Variants in BMP8B observed in about 807,000 individuals in gnomAD.
BMP8B encodes bone morphogenetic protein 8 (osteogenic protein 2).
BMP8B carries 17 observed loss-of-function variants against 30.3 expected under a neutral mutation model. The observed-to-expected ratio is 0.56, with a 90% CI of 0.38 to 0.84. The LOEUF is 0.84. BMP8B is among the 40% of genes least tolerant of loss of function. The probability of loss-of-function intolerance (pLI) is 0.00; values close to 1 mark genes in which losing one functional copy is unlikely to be tolerated. For missense variants in BMP8B, 253 were observed against 494.6 expected (o/e 0.51, Z 4.63); for synonymous variants, 131 against 214.7 (o/e 0.61, Z 3.41).
intron 6 of BMP8B, chr1:39,762,528 T>C (rs781484156): frequency 1.0e-5 from 16 of 1,550,032 alleles, no homozygotes; most frequent in South Asian, 5.9e-5. Context: ...TTGCCCCAGA[T>C]ACCAAGGCAT....
intron 1 of BMP8B, among the ~76,000 whole-genome samples, chr1:39,778,220 G>A (rs544194276): frequency 2.0e-5 from 3 of 152,274 alleles, no homozygotes; most frequent in Non-Finnish European, 4.4e-5. Context: ...CTGCCAGTCT[G>A]GGTGTGGCTA....
rs1569788692 is a variant in BMP8B, at chr1:39,763,549, A to C, written c.948+163T>G. 27 of 1,123,766 alleles carry C rather than the reference A, an allele frequency of 2.4e-5. 4 individuals carry two copies. The highest frequency in any genetic ancestry group is 1.2e-4 in the Admixed American group (4 of 32,082). The allele number at this position is 1,123,766 out of a possible 1,614,324, so 69.6% of individuals were successfully genotyped here. On this transcript the variant is annotated intron_variant, in intron 5 of 6. Coordinates refer to ENST00000372827, the MANE Select transcript of BMP8B (RefSeq NM_001720.5). Reference sequence around the variant, plus strand: ...AAACAAAAAACTGAACAAAAAAAAAACCCTTTCTCACCATATTCTCACTTT... The same window carrying C: ...AAACAAAAAACTGAACAAAAAAAAACCCCTTTCTCACCATATTCTCACTTT...
chr1:39,762,744 TCA>T (rs988288148), intron 6 of BMP8B: 4 of 1,392,166 alleles, frequency 2.9e-6, no homozygotes, highest in Non-Finnish European at 3.8e-6. Context: ...TGTGCTAAGA[TCA>T]CACAGCCCCC....
At chr1:39,777,303 C>T (rs1291519672) in intron 1 of BMP8B, among the ~76,000 whole-genome samples, 1 of 152,250 alleles carries the variant, frequency 6.6e-6, no homozygotes, top group African/African-American at 2.4e-5. Context: ...TGGTCTCACG[C>T]TGAACCAGCT....
In BMP8B at chr1:39,760,867, G is replaced by T. The variant is rs556881212; in HGVS notation, c.1060-299C>A. Among the ~76,000 whole-genome samples, 14 of 152,266 alleles carry T rather than the reference G, an allele frequency of 9.2e-5. No individual in the cohort carries two copies. The South Asian group carries it at 2.7e-3, about 29-fold the overall frequency. The stretch of plus-strand genomic sequence containing the variant: ...CCAAGGGCTCAGACTTCCTCCTGGG[G>T]ATAATGGGAAGGAGAACTGTGTGGC... On this transcript the variant is annotated intron_variant, in intron 6 of 6. Transcript: ENST00000372827.
rs545706052 is a variant in BMP8B at position 39,762,415 on chromosome 1, G to C, written c.1059+677C>G. The stretch of plus-strand genomic sequence containing the variant: ...CAGGAACTGGGATTCTAGGTAAAAA[G>C]TTCTAGAAGGAAGCCTCGGTGCCAG... On this transcript the variant is annotated intron_variant, in intron 6 of 6. Transcript: ENST00000372827. 1.2e-5 allele frequency: 17 copies of C among 1,412,564 alleles called. No homozygotes were observed. In the East Asian group the frequency reaches 2.0e-4, roughly 17 times the overall value. The allele number at this position is 1,412,564 out of a possible 1,614,324, so 87.5% of individuals were successfully genotyped here.
chr1:39,779,988 G>A (rs981208904), intron 1 of BMP8B, among the ~76,000 whole-genome samples: 2 of 152,188 alleles, frequency 1.3e-5, no homozygotes, highest in Non-Finnish European at 1.5e-5. Flanking sequence ...TGGGGCTGAC[G>A]GATCCACTTC....
chr1:39,787,506 G>C (rs1651065190), intron 1 of BMP8B, among the ~76,000 whole-genome samples: 3 of 152,214 alleles, frequency 2.0e-5, no homozygotes. Flanking sequence ...GGAGAACAAA[G>C]TGGGTCCAGC....
rs1168420755 is a variant in BMP8B, at chr1:39,757,892, GT to G, written c.*2526del. On this transcript the variant is annotated 3_prime_UTR_variant, in exon 7 of 7. Coordinates refer to ENST00000372827, the MANE Select transcript of BMP8B (RefSeq NM_001720.5). ...TTTGGTGACTATCTGGATGATAAAA[GT>G]TGCTGAAAGTCTGATGGCCAACTAG... 1.3e-5 allele frequency: 2 copies of G among 152,208 alleles called. No homozygotes were observed. Among genetic ancestry groups the G allele is most frequent in the Non-Finnish European group, 2.9e-5 (2 of 68,036 alleles). 9.4% of individuals were successfully genotyped at this position (152,208 alleles called of 1,614,324 possible).
At chr1:39,780,696 A>G (rs1475357346) in intron 1 of BMP8B, among the ~76,000 whole-genome samples, 1 of 152,378 alleles carries the variant, frequency 6.6e-6, no homozygotes, top group East Asian at 1.9e-4. Context: ...GCTGAAGACC[A>G]GCCTGGGCAA....
intron 1 of BMP8B, among the ~76,000 whole-genome samples, chr1:39,777,996 G>T (rs936009096): frequency 6.6e-6 from 1 of 152,248 alleles, no homozygotes; most frequent in Non-Finnish European, 1.5e-5. Flanking sequence ...AGGGCTTGCT[G>T]TCTCTGGTTC....
At position 39,788,252 on chromosome 1, in the gene BMP8B, C is replaced by A. The variant is rs748285761; in HGVS notation, c.234G>T (p.Leu78=). 36 of 1,508,580 alleles carry A rather than the reference C, an allele frequency of 2.4e-5. No homozygotes were observed. Among genetic ancestry groups the A allele is most frequent in the Non-Finnish European group, 3.0e-5 (34 of 1,139,656 alleles). The allele number at this position is 1,508,580 out of a possible 1,614,324, so 93.4% of individuals were successfully genotyped here. ...CGCCGGCCATGGCGTGGTACAGGTC[C>A]AGCATGAAGAGCGGCGCGGACGCGG... ...RLPASAPLFM[L]DLYHAMAGDD... The change falls in exon 1 of 7, where the codon CTG becomes CTT. Residue 78 remains leucine, a synonymous_variant. Transcript: ENST00000372827. This position sits in a 1 kb window ranked among gnomAD's most constrained non-coding sequence, Gnocchi z 5.8.
intron 6 of BMP8B, 42 bp downstream of exon 6, chr1:39,763,050 C>T (rs757195545): frequency 3.1e-6 from 5 of 1,601,416 alleles, no homozygotes; most frequent in South Asian, 2.2e-5. Flanking sequence ...TCCACAGGGC[C>T]CCCCACCCCA....
intron 1 of BMP8B, among the ~76,000 whole-genome samples, chr1:39,778,137 C>G (rs1199481857): frequency 6.6e-6 from 1 of 152,258 alleles, no homozygotes; most frequent in Non-Finnish European, 1.5e-5. Flanking sequence ...CCGGCCCCTT[C>G]TTCCCAAGGG....
chr1:39,758,785 G>A lies in BMP8B; in HGVS notation c.*1634C>T, dbSNP rs1196745874. ...ATTCTCCAACTTCCAGACAGCCTGGGGCTGCCCTTTGCGTACATGGGAGGG... is the reference window on the plus strand; with the variant it reads ...ATTCTCCAACTTCCAGACAGCCTGGAGCTGCCCTTTGCGTACATGGGAGGG... On this transcript the variant is annotated 3_prime_UTR_variant, in exon 7 of 7. Transcript: ENST00000372827. 6.6e-6 allele frequency: 1 copy of A among 152,278 alleles called. No individual in the cohort carries two copies. The highest frequency in any genetic ancestry group is 1.9e-4 in the East Asian group (1 of 5,194). 9.4% of individuals were successfully genotyped at this position (152,278 alleles called of 1,614,324 possible). A position where few individuals can be genotyped will look rare whatever the true frequency, so the allele number is the denominator to read the frequency against.
intron 5 of BMP8B, 124 bp from the exon 6 acceptor site, chr1:39,763,326 C>T: frequency 1.0e-6 from 1 of 1,000,066 alleles, no homozygotes; most frequent in Non-Finnish European, 1.5e-6. Flanking sequence ...CCAGGAACCC[C>T]CGGCAGAAAA....
At chr1:39,780,458 C>G (rs1250232273) in intron 1 of BMP8B, among the ~76,000 whole-genome samples, 1 of 152,200 alleles carries the variant, frequency 6.6e-6, no homozygotes, top group South Asian at 2.1e-4. Context: ...GAGCACCAAG[C>G]GGTGCAGTTG....
In BMP8B at chr1:39,760,824, G is replaced by A. The variant is rs773059088; in HGVS notation, c.1060-256C>T. Among the ~76,000 whole-genome samples the A allele has an allele frequency of 6.8e-4, 103 of 152,186 alleles. 3 individuals carry two copies. The highest frequency in any genetic ancestry group is 1.9e-4 in the Non-Finnish European group (13 of 68,012). On this transcript the variant is annotated intron_variant, in intron 6 of 6. Coordinates refer to ENST00000372827, the MANE Select transcript of BMP8B (RefSeq NM_001720.5). ...CAGCAGGTGGGCAAGGCGCTAATGAGGGGCCTGGAGTCCCAGGCCAAGGGC... is the reference window on the plus strand; with the variant it reads ...CAGCAGGTGGGCAAGGCGCTAATGAAGGGCCTGGAGTCCCAGGCCAAGGGC...
rs369337761 is a variant in BMP8B, at chr1:39,759,937, C to G, written c.*482G>C. 5.7e-6 allele frequency: 1 copy of G among 174,616 alleles called. No homozygotes were observed. The highest frequency in any genetic ancestry group is 2.4e-5 in the African/African-American group (1 of 42,038). The allele number at this position is 174,616 out of a possible 1,614,324, so 10.8% of individuals were successfully genotyped here. On this transcript the variant is annotated 3_prime_UTR_variant, in exon 7 of 7. Coordinates refer to ENST00000372827, the MANE Select transcript of BMP8B (RefSeq NM_001720.5). ...GGGGTTATCCAGTTTTATACCCCAC[C>G]TTGCACCTCGGGCAGGCAATGGGGA...
Sources: allele counts gnomAD v4.1 joint callset (sites outside exome capture counted in the v4.1 genomes callset), GRCh38; gene constraint gnomAD v4.1.1; non-coding constraint Gnocchi (gnomAD v3.1); transcripts MANE v1.5; gene names NCBI Gene and HGNC (gene_info 2026-07-23, HGNC 2026-07-21).